The following LAMB4 variants were observed in gnomAD, a reference collection of about 807,000 sequenced individuals.
LAMB4 encodes laminin subunit beta 4.
LAMB4 carries 196 observed loss-of-function variants against 199.2 expected under a neutral mutation model. The observed-to-expected ratio is 0.98, with a 90% CI of 0.88 to 1.11. The LOEUF is 1.11. Ranked by LOEUF, LAMB4 falls within the 50% of genes least tolerant of loss-of-function variation. The pLI is 0.00. For synonymous variants in LAMB4, 744 were observed against 770.6 expected (o/e 0.97, Z 0.57); for missense variants, 2,080 against 2,171.2 (o/e 0.96, Z 0.83).
At chr7:108,126,749 T>C (rs2038801864) in intron 1 of LAMB4, among the ~76,000 whole-genome samples, 1 of 149,406 alleles carries the variant, frequency 6.7e-6, no homozygotes, top group Admixed American at 6.6e-5. Context: ...TTTGTATTTT[T>C]AGTAGAGACG....
Position 108,061,013 on chromosome 7 carries a change from C to T in LAMB4, c.3282+1761G>A, listed in dbSNP as rs560834845. 9.2e-5 allele frequency among the ~76,000 whole-genome samples: 14 copies of T among 152,288 alleles called. No individual in the cohort carries two copies. In the East Asian group the frequency reaches 2.7e-3, roughly 29 times the overall value. ...AAGACTGACATTAACAGGGATAAGT[C>T]GTGTTAATAATATGTACCCCTGATA... On this transcript the variant is annotated intron_variant, in intron 23 of 33. Transcript: ENST00000388781.
the LAMB4 span, among the ~76,000 whole-genome samples, chr7:108,017,200 G>A: frequency 9.2e-5 from 14 of 152,202 alleles, no homozygotes; most frequent in African/African-American, 3.1e-4. Context: ...GAGGCAGGTT[G>A]TTAGGGAGGG....
intron 2 of LAMB4, among the ~76,000 whole-genome samples, chr7:108,119,616 G>A (rs1157291579): frequency 1.3e-5 from 2 of 152,130 alleles, no homozygotes; most frequent in Non-Finnish European, 2.9e-5. Flanking sequence ...GAAGGCAGAG[G>A]GGGAGGGAGG....
In LAMB4 at chr7:108,055,809, A is replaced by G. The variant is rs1584645360; in HGVS notation, c.3578T>C (p.Val1193Ala). The G allele has an allele frequency of 6.2e-7, 1 of 1,614,122 alleles. No homozygotes were observed. The highest frequency in any genetic ancestry group is 8.5e-7 in the Non-Finnish European group (1 of 1,180,006). The change falls in exon 25 of 34, where the codon GTG becomes GCG. Residue 1193 changes from valine to alanine, a missense_variant. Physicochemically the swap from Val to Ala is moderately conservative, Grantham distance 64 (BLOSUM62 0). Coordinates refer to ENST00000388781, the MANE Select transcript of LAMB4 (RefSeq NM_007356.3). ...AGCAGCCAGTCTCATTAACCCTTGC[A>G]CCGCTTTGGAGAGGGAAGAAATGGT... is the stretch of plus-strand genomic sequence containing the variant. ...DHTISSLSKA[V>A]QGLMRLAANM...
intron 3 of LAMB4, among the ~76,000 whole-genome samples, chr7:108,113,327 C>G (rs2038297213): frequency 6.6e-6 from 1 of 152,130 alleles, no homozygotes; most frequent in African/African-American, 2.4e-5. Context: ...TCTCCATTAC[C>G]TAGAATAGTG....
chr7:108,035,475 G>C (rs2035188122), intron 30 of LAMB4, among the ~76,000 whole-genome samples: 1 of 151,034 alleles, frequency 6.6e-6, no homozygotes, highest in Non-Finnish European at 1.5e-5. Flanking sequence ...CTGGGAGGCG[G>C]AGGTTGCAGT....
At chr7:108,059,704 T>A (rs182952739) in intron 23 of LAMB4, among the ~76,000 whole-genome samples, 38 of 151,044 alleles carry the variant, frequency 2.5e-4, no homozygotes, top group African/African-American at 9.4e-4. Flanking sequence ...CCTGCCACAC[T>A]GCTGGCTCAC....
At chr7:108,046,644 A>G (rs952923923) in intron 28 of LAMB4, among the ~76,000 whole-genome samples, 3 of 152,082 alleles carry the variant, frequency 2.0e-5, no homozygotes, top group South Asian at 2.1e-4. Context: ...ATGACCAGAA[A>G]AGTAAATGAA....
chr7:108,080,995 G>A (rs969041401), intron 14 of LAMB4, among the ~76,000 whole-genome samples: 4 of 151,112 alleles, frequency 2.6e-5, no homozygotes, highest in South Asian at 4.1e-4. Flanking sequence ...GGTGGTGTGC[G>A]CTTGTACTCC....
downstream of LAMB4, among the ~76,000 whole-genome samples, chr7:108,022,674 G>A (rs1175696768): frequency 1.3e-5 from 2 of 152,142 alleles, no homozygotes; most frequent in African/African-American, 4.8e-5. Context: ...GGTCCTTCCT[G>A]TAGAAAAGTT....
At chr7:108,127,028 T>C (rs911911735) in intron 1 of LAMB4, among the ~76,000 whole-genome samples, 6 of 152,124 alleles carry the variant, frequency 3.9e-5, no homozygotes, top group African/African-American at 9.7e-5. Flanking sequence ...TTCTGAGATG[T>C]AGCCAGGGTT....
At chr7:108,016,489 G>A in the LAMB4 span, among the ~76,000 whole-genome samples, 2 of 151,974 alleles carry the variant, frequency 1.3e-5, no homozygotes, top group South Asian at 2.1e-4. Flanking sequence ...TCACCATATC[G>A]GCCAGGTTGG....
intron 25 of LAMB4, among the ~76,000 whole-genome samples, chr7:108,053,673 A>T (rs2035894314): frequency 6.6e-6 from 1 of 152,134 alleles, no homozygotes; most frequent in African/African-American, 2.4e-5. Context: ...CTCACTCCAG[A>T]CCTGGGCTGG....
chr7:108,080,715 G>A (rs1268980698), intron 14 of LAMB4, among the ~76,000 whole-genome samples: 2 of 152,020 alleles, frequency 1.3e-5, no homozygotes, highest in Admixed American at 6.6e-5. Flanking sequence ...TTAGAATCTC[G>A]CATCTGAGGC....
chr7:108,017,452 G>T, the LAMB4 span, among the ~76,000 whole-genome samples: 1 of 152,190 alleles, frequency 6.6e-6, no homozygotes, highest in Non-Finnish European at 1.5e-5. Flanking sequence ...CAAAACAGGG[G>T]ACTGTCTTCT....
chr7:108,099,356 T>C (rs931887033), intron 10 of LAMB4, among the ~76,000 whole-genome samples: 1 of 152,186 alleles, frequency 6.6e-6, no homozygotes, highest in African/African-American at 2.4e-5. Context: ...TGGTGTGTCA[T>C]ATGAAAAAGA....
chr7:108,063,314 G>A (rs538902679), intron 22 of LAMB4, among the ~76,000 whole-genome samples: 1 of 152,190 alleles, frequency 6.6e-6, no homozygotes, highest in Admixed American at 6.5e-5. Context: ...AATGGTTTAC[G>A]TACACATTAC....
At position 108,037,537 on chromosome 7, in the gene LAMB4, G is replaced by GT; in HGVS notation, c.4529dup (p.His1510GlnfsTer12). On this transcript the variant is annotated frameshift_variant, in exon 30 of 34. Coordinates refer to ENST00000388781, the MANE Select transcript of LAMB4 (RefSeq NM_007356.3). LOFTEE classifies it high-confidence loss of function. The stretch of plus-strand genomic sequence containing the variant: ...TTAGATTTTGGGATGGAATTGGTAG[G>GT]TGAATGTCAAGCACACCATTCGCAA... 6.2e-7 allele frequency: 1 copy of GT among 1,614,134 alleles called. No homozygotes were observed. The highest frequency in any genetic ancestry group is 8.5e-7 in the Non-Finnish European group (1 of 1,180,012).
chr7:108,063,749 T>C lies in LAMB4; in HGVS notation c.3061+12A>G, dbSNP rs766492441. 3.7e-6 allele frequency: 6 copies of C among 1,604,472 alleles called. No homozygotes were observed. Among genetic ancestry groups the C allele is most frequent in the Non-Finnish European group, 4.3e-6 (5 of 1,171,282 alleles). On this transcript the variant is annotated intron_variant, in intron 22 of 33. Transcript: ENST00000388781. ...GCTGACACATTTCCCCCTGGGAGTT[T>C]TGCAGACTTACTTCTGCAGGTCTGA...
Sources: allele counts gnomAD v4.1 joint callset (sites outside exome capture counted in the v4.1 genomes callset), GRCh38; gene constraint gnomAD v4.1.1; transcripts MANE v1.5; gene names NCBI Gene and HGNC (gene_info 2026-07-23, HGNC 2026-07-21).